The following BZW2 variants were observed in gnomAD, a reference collection of about 807,000 sequenced individuals.
The protein encoded by BZW2 is eIF5-mimic protein 1.
Under a neutral mutation model 53.2 loss-of-function variants are expected in BZW2, and 23 were observed. The observed-to-expected ratio is 0.43, with a 90% CI of 0.31 to 0.61. BZW2 has a LOEUF of 0.61. BZW2 is among the 20% of genes least tolerant of loss of function. The pLI is 0.09. For synonymous variants in BZW2, 227 were observed against 186.4 expected (o/e 1.22, Z -1.77); for missense variants, 409 against 503.1 (o/e 0.81, Z 1.79).
rs768692187 is a variant in BZW2, at chr7:16,706,460, T to G, written c.*372T>G. ...TACAGGCCACTTTGGTAGTTGTGTATCTGCTCATGTATGTGATTTGACAAA... is the reference window on the plus strand; with the variant it reads ...TACAGGCCACTTTGGTAGTTGTGTAGCTGCTCATGTATGTGATTTGACAAA... On this transcript the variant is annotated 3_prime_UTR_variant, in exon 12 of 12. Transcript: ENST00000258761. 11 of 184,708 alleles carry G rather than the reference T, an allele frequency of 6.0e-5. No individual in the cohort carries two copies. Among genetic ancestry groups the G allele is most frequent in the Non-Finnish European group, 1.2e-4 (11 of 89,778 alleles). The allele number at this position is 184,708 out of a possible 1,614,324, so 11.4% of individuals were successfully genotyped here.
In BZW2 at chr7:16,647,629, G is replaced by C. The variant is rs140089467; in HGVS notation, c.-8+1341G>C. Among the ~76,000 whole-genome samples the C allele has an allele frequency of 5.3e-4, 80 of 152,254 alleles. 1 individual carries two copies. The East Asian group carries it at 0.015, about 29-fold the overall frequency. ...GTGTATAACAAAGATACTTTTGTTGGATGATGCTTTAATAATGATGTGGCT... is the reference window on the plus strand; with the variant it reads ...GTGTATAACAAAGATACTTTTGTTGCATGATGCTTTAATAATGATGTGGCT... On this transcript the variant is annotated intron_variant, in intron 1 of 11. Transcript: ENST00000258761.
chr7:16,696,627 A>C (rs1035814127), intron 8 of BZW2, among the ~76,000 whole-genome samples: 11 of 152,206 alleles, frequency 7.2e-5, no homozygotes, highest in African/African-American at 2.7e-4. Context: ...ACTAGACTCA[A>C]AGGGGTTTCT....
intron 6 of BZW2, chr7:16,687,313 A>G (rs1783157104): frequency 6.6e-6 from 1 of 152,160 alleles, no homozygotes; most frequent in Admixed American, 6.5e-5. Context: ...GTGAGGAGAA[A>G]AATAACTTTG....
At chr7:16,652,617 T>C (rs1782014504) in intron 1 of BZW2, among the ~76,000 whole-genome samples, 1 of 152,152 alleles carries the variant, frequency 6.6e-6, no homozygotes, top group African/African-American at 2.4e-5. Context: ...CTCTGTCTCC[T>C]GGGTTCAAGT....
chr7:16,671,930 C>CAAAAAAA (rs56356463), intron 2 of BZW2, among the ~76,000 whole-genome samples: 6 of 99,398 alleles, frequency 6.0e-5, no homozygotes, highest in South Asian at 3.6e-4. Flanking sequence ...GACCCTGTTT[C>CAAAAAAA]AAAAAAAAAA....
intron 2 of BZW2, 53 bp downstream of exon 2, chr7:16,665,554 G>A: frequency 1.3e-6 from 2 of 1,592,202 alleles, no homozygotes; most frequent in South Asian, 2.2e-5. Context: ...CAAAATATAA[G>A]ATTGGAGAAG....
chr7:16,677,520 C>G (rs1782803352), intron 3 of BZW2, among the ~76,000 whole-genome samples: 1 of 152,126 alleles, frequency 6.6e-6, no homozygotes, highest in Non-Finnish European at 1.5e-5. Context: ...GGGAGGGGTG[C>G]CTTCAATGTC....
chr7:16,648,494 A>G lies in BZW2; in HGVS notation c.-8+2206A>G, dbSNP rs114363976. On this transcript the variant is annotated intron_variant, in intron 1 of 11. Transcript: ENST00000258761. ...TGTGTCCTCTCATATCTACCACTCTAGAGCTATTGCAATGCATCTTAAGTA... is the reference window on the plus strand; with the variant it reads ...TGTGTCCTCTCATATCTACCACTCTGGAGCTATTGCAATGCATCTTAAGTA... 8.9e-3 allele frequency among the ~76,000 whole-genome samples: 1,358 copies of G among 152,330 alleles called. 17 individuals are homozygous for G. The highest frequency in any genetic ancestry group is 0.031 in the African/African-American group (1,288 of 41,560).
chr7:16,682,476 A>G lies in BZW2; in HGVS notation c.340-304A>G, dbSNP rs139259521. ...TATCTTTAACACCTTCATTTCCGTG[A>G]TTTTTAGTCTCTGCATCTCACAGTT... On this transcript the variant is annotated intron_variant, in intron 4 of 11. Coordinates refer to ENST00000258761, the MANE Select transcript of BZW2 (RefSeq NM_014038.3). Among the ~76,000 whole-genome samples, 631 of 152,210 alleles carry G rather than the reference A, an allele frequency of 4.1e-3. 3 individuals are homozygous for G. The highest frequency in any genetic ancestry group is 0.017 in the Middle Eastern group (5 of 294).
chr7:16,673,600 C>G (rs1346309509), intron 2 of BZW2, among the ~76,000 whole-genome samples: 2 of 151,866 alleles, frequency 1.3e-5, no homozygotes, highest in Non-Finnish European at 2.9e-5. Context: ...TAGATTGAAC[C>G]TCCATAAACA....
rs10533020 is a variant in BZW2 at position 16,653,034 on chromosome 7, T to TTGTG, written c.-8+6766_-8+6769dup. 9.3e-3 allele frequency among the ~76,000 whole-genome samples: 1,401 copies of TTGTG among 150,052 alleles called. 13 individuals carry two copies. The highest frequency in any genetic ancestry group is 0.011 in the Non-Finnish European group (720 of 67,452). On this transcript the variant is annotated intron_variant, in intron 1 of 11. Coordinates refer to ENST00000258761, the MANE Select transcript of BZW2 (RefSeq NM_014038.3). ...ATAAGCATGCATATGGAAAGTAACT[T>TTGTG]TGTGTGTGTGTGTGTGTGTGTGTAG...
At chr7:16,705,805 A>G (rs1183575991) in intron 11 of BZW2, among the ~76,000 whole-genome samples, 1 of 150,468 alleles carries the variant, frequency 6.6e-6, no homozygotes, top group African/African-American at 2.4e-5. Flanking sequence ...AATTTAATAT[A>G]TATAAAATGT....
At chr7:16,667,577 C>T (rs561466562) in intron 2 of BZW2, among the ~76,000 whole-genome samples, 6 of 152,114 alleles carry the variant, frequency 3.9e-5, no homozygotes, top group South Asian at 4.1e-4. Flanking sequence ...GTCACGTAGA[C>T]GGAAAAGAAA....
chr7:16,680,853 C>T (rs1189566766), intron 3 of BZW2, among the ~76,000 whole-genome samples: 1 of 152,056 alleles, frequency 6.6e-6, no homozygotes, highest in East Asian at 1.9e-4. Flanking sequence ...CACCTGTAAT[C>T]CCAGCACTTT....
intron 3 of BZW2, among the ~76,000 whole-genome samples, chr7:16,675,437 C>T (rs1562485293): frequency 6.6e-6 from 1 of 152,206 alleles, no homozygotes; most frequent in African/African-American, 2.4e-5. Flanking sequence ...CCATCATTGC[C>T]TTTCCTTGAG....
intron 1 of BZW2, among the ~76,000 whole-genome samples, chr7:16,650,823 G>A (rs572252765): frequency 2.6e-5 from 4 of 152,262 alleles, no homozygotes; most frequent in Middle Eastern, 3.4e-3. Flanking sequence ...GATTTGCCCC[G>A]TTCTAAATTT....
At position 16,691,878 on chromosome 7, in the gene BZW2, C is replaced by CTGTG. The variant is rs10611881; in HGVS notation, c.651+1994_651+1997dup. Among the ~76,000 whole-genome samples, 61 of 149,688 alleles carry CTGTG rather than the reference C, an allele frequency of 4.1e-4. No homozygotes were observed. The South Asian group carries it at 4.5e-3, about 11-fold the overall frequency. Reference sequence around the variant, plus strand: ...GTCATTTAGCTGTTTTTACTAGGTTCTGTGTGTGTGTGTGTGTGTGTGTGT... The same window carrying CTGTG: ...GTCATTTAGCTGTTTTTACTAGGTTCTGTGTGTGTGTGTGTGTGTGTGTGTGTGT... On this transcript the variant is annotated intron_variant, in intron 7 of 11. Coordinates refer to ENST00000258761, the MANE Select transcript of BZW2 (RefSeq NM_014038.3).
intron 6 of BZW2, chr7:16,686,855 C>T (rs1270498267): frequency 1.3e-5 from 2 of 152,154 alleles, no homozygotes. Context: ...TTCAGAGACT[C>T]TTCCTAGTTT....
chr7:16,651,688 A>T lies in BZW2; in HGVS notation c.-8+5400A>T, dbSNP rs569825003. On this transcript the variant is annotated intron_variant, in intron 1 of 11. Coordinates refer to ENST00000258761, the MANE Select transcript of BZW2 (RefSeq NM_014038.3). ...TAAAAACTGTATCCTATAGTGCTAG[A>T]AATTATGGTGCCATAAATTTTCTAA... Among the ~76,000 whole-genome samples the T allele has an allele frequency of 1.0e-3, 155 of 152,290 alleles. 1 individual carries two copies. The highest frequency in any genetic ancestry group is 3.5e-3 in the African/African-American group (146 of 41,574).
Sources: gnomAD v4.1 joint callset for allele counts (sites outside exome capture counted in the v4.1 genomes callset) on GRCh38, gnomAD v4.1.1 for gene constraint, MANE v1.5 for transcripts, NCBI Gene and HGNC (gene_info 2026-07-23, HGNC 2026-07-21) for gene names.